Variants in GCNT2 observed in about 807,000 individuals in gnomAD.
The protein encoded by GCNT2 is glucosaminyl (N-acetyl) transferase 2 (I blood group), also known as N-acetyllactosaminide beta-1,6-N-acetylglucosaminyl-transferase.
A neutral mutation model predicts 34.2 loss-of-function variants in GCNT2; 34 were observed. That is an observed-to-expected ratio of 1.00 (90% CI 0.76 to 1.32). The LOEUF is 1.32. Among genes scored for constraint, GCNT2 ranks in the 40% most tolerant of loss-of-function variants. GCNT2 has a pLI of 0.00. For synonymous variants in GCNT2, 212 were observed against 188.0 expected (o/e 1.13, Z -1.04); for missense variants, 584 against 489.4 (o/e 1.19, Z -1.82).
intron 3 of GCNT2, among the ~76,000 whole-genome samples, chr6:10,562,650 T>G (rs1353169117): frequency 6.6e-5 from 8 of 120,644 alleles, no homozygotes; most frequent in African/African-American, 2.7e-4. Flanking sequence ...GAGTCAGAAC[T>G]TCTCTGAAAA....
intron 3 of GCNT2, among the ~76,000 whole-genome samples, chr6:10,599,542 A>T (rs1269733299): frequency 6.6e-6 from 1 of 152,162 alleles, no homozygotes; most frequent in Non-Finnish European, 1.5e-5. Context: ...GTGCCGTATG[A>T]ATTAGACATG....
intron 3 of GCNT2, among the ~76,000 whole-genome samples, chr6:10,588,579 C>T (rs1764454360): frequency 6.6e-6 from 1 of 152,094 alleles, no homozygotes; most frequent in Admixed American, 6.6e-5. Context: ...TTCTTTTTTC[C>T]TGTATATCTA....
At chr6:10,582,219 TA>T (rs1185449329) in intron 3 of GCNT2, among the ~76,000 whole-genome samples, 15 of 125,512 alleles carry the variant, frequency 1.2e-4, no homozygotes, top group East Asian at 4.2e-4. Flanking sequence ...ATTATATATA[TA>T]ATTATATATA....
At chr6:10,568,445 ACT>A (rs1285443615) in intron 3 of GCNT2, among the ~76,000 whole-genome samples, 12 of 150,200 alleles carry the variant, frequency 8.0e-5, no homozygotes, top group African/African-American at 2.2e-4. Context: ...ACTGTTCTTA[ACT>A]CTGGCCCATC....
intron 3 of GCNT2, chr6:10,556,341 TAAG>T (rs1416178704): frequency 1.8e-5 from 29 of 1,601,176 alleles, no homozygotes; most frequent in Non-Finnish European, 2.3e-5. Flanking sequence ...TGTTGCAAAA[TAAG>T]AACTCAGAGA....
intron 3 of GCNT2, chr6:10,574,961 T>G: frequency 1.4e-6 from 1 of 723,420 alleles, no homozygotes; most frequent in East Asian, 2.6e-5. Context: ...ATACACACAT[T>G]AATTCTCTTG....
intron 3 of GCNT2, among the ~76,000 whole-genome samples, chr6:10,599,938 A>G (rs1765025499): frequency 6.6e-6 from 1 of 152,206 alleles, no homozygotes; most frequent in South Asian, 2.1e-4. Context: ...TTCAGGAATA[A>G]CAGAATGATT....
chr6:10,550,708 C>G (rs1327961511), intron 3 of GCNT2, among the ~76,000 whole-genome samples: 1 of 152,140 alleles, frequency 6.6e-6, no homozygotes, highest in Non-Finnish European at 1.5e-5. Context: ...GTCCCAAACT[C>G]CTGGGCTCAA....
intron 3 of GCNT2, among the ~76,000 whole-genome samples, chr6:10,569,275 C>CACACACACACACACACACACACACA (rs1491437125): frequency 0.029 from 2,935 of 100,916 alleles, 368 homozygotes; most frequent in Middle Eastern, 0.056. Context: ...ACACACACAC[C>CACACACACACACACACACACACACA]CCCTAGGTAA....
intron 3 of GCNT2, among the ~76,000 whole-genome samples, chr6:10,573,707 C>T (rs1269397600): frequency 6.6e-6 from 1 of 152,176 alleles, no homozygotes; most frequent in Non-Finnish European, 1.5e-5. Context: ...ACCACCATGC[C>T]GCATATTGAC....
intron 3 of GCNT2, 121 bp from the exon 4 acceptor site, chr6:10,621,230 G>A: frequency 1.4e-6 from 1 of 722,380 alleles, no homozygotes; most frequent in Admixed American, 2.0e-5. Context: ...ACCAATCTGT[G>A]TGAAATGCGA....
intron 3 of GCNT2, among the ~76,000 whole-genome samples, chr6:10,542,485 A>T (rs957847772): frequency 5.3e-5 from 8 of 152,304 alleles, no homozygotes; most frequent in Non-Finnish European, 1.0e-4. Context: ...ATGTAGAATC[A>T]TTTTATTACT....
In GCNT2 at chr6:10,555,877, TG is replaced by T. The variant is rs555283256; in HGVS notation, c.925+26043del. ...CTATTTTCTATCCCGTGGGTTGCGC[TG>T]GAAGAGCTGAGAGGCCAGGCTGTGG... On this transcript the variant is annotated intron_variant, in intron 3 of 4. Transcript: ENST00000495262. 507 of 994,446 alleles carry T rather than the reference TG, an allele frequency of 5.1e-4. 2 individuals are homozygous for T. The highest frequency in any genetic ancestry group is 5.7e-4 in the Non-Finnish European group (475 of 835,352). The allele number at this position is 994,446 out of a possible 1,614,324, so 61.6% of individuals were successfully genotyped here.
chr6:10,523,611 C>T (rs1014371209), intron 1 of GCNT2, among the ~76,000 whole-genome samples: 1 of 152,046 alleles, frequency 6.6e-6, no homozygotes. Flanking sequence ...GAGCTGAGCA[C>T]GTTAGGTGCC....
At chr6:10,573,164 T>TA (rs1157165338) in intron 3 of GCNT2, 29 of 854,136 alleles carry the variant, frequency 3.4e-5, no homozygotes, top group Non-Finnish European at 4.0e-5. Flanking sequence ...ATGTTCTAGA[T>TA]ATGGATCTCT....
chr6:10,547,963 G>C (rs1208084589), intron 3 of GCNT2, among the ~76,000 whole-genome samples: 1 of 152,192 alleles, frequency 6.6e-6, no homozygotes, highest in Non-Finnish European at 1.5e-5. Context: ...TGGCTTGTGT[G>C]TTCTTTCAAC....
rs6936681 is a variant in GCNT2 at position 10,626,832 on chromosome 6, G to A, written c.*225G>A. The A allele has an allele frequency of 2.9e-3, 1,586 of 554,962 alleles. 16 individuals carry two copies. The highest frequency in any genetic ancestry group is 0.026 in the African/African-American group (1,389 of 53,164). 34.4% of individuals were successfully genotyped at this position (554,962 alleles called of 1,614,324 possible). A position where few individuals can be genotyped will look rare whatever the true frequency, so the allele number is the denominator to read the frequency against. Reference sequence around the variant, plus strand: ...GGGCACTTTGGCCAATTTTAGTCTTGCTGTTTCTTGATGCTCACCTCTATA... The same window carrying A: ...GGGCACTTTGGCCAATTTTAGTCTTACTGTTTCTTGATGCTCACCTCTATA... On this transcript the variant is annotated 3_prime_UTR_variant, in exon 5 of 5. Coordinates refer to ENST00000495262, the MANE Select transcript of GCNT2 (RefSeq NM_145649.5).
At position 10,523,375 on chromosome 6, in the gene GCNT2, G is replaced by A. The variant is rs116113757; in HGVS notation, c.-469+1958G>A. Among the ~76,000 whole-genome samples, 545 of 151,250 alleles carry A rather than the reference G, an allele frequency of 3.6e-3. 9 individuals carry two copies. Among genetic ancestry groups the A allele is most frequent in the African/African-American group, 0.012 (492 of 41,162 alleles). On this transcript the variant is annotated intron_variant, in intron 1 of 4. Coordinates refer to ENST00000495262, the MANE Select transcript of GCNT2 (RefSeq NM_145649.5). ...CGGGAGGCAGAGGCTTCAGTGAGCC[G>A]GGATGGCGTCATTACACTGCAGACG...
rs1184681622 is a variant in GCNT2, at chr6:10,626,520, C to G, written c.1122C>G (p.Pro374=). The change falls in exon 5 of 5, where the codon CCC becomes CCG. Residue 374 remains proline (P), a synonymous_variant. Coordinates refer to ENST00000495262, the MANE Select transcript of GCNT2 (RefSeq NM_145649.5). ...FANKFELNTY[P]LTVECLELRH... ...ACAAGTTTGAGCTTAATACCTACCC[C>G]CTTACTGTGGAATGCCTAGAACTGA... 1 of 1,613,532 alleles carries G rather than the reference C, an allele frequency of 6.2e-7. No individual in the cohort carries two copies. The highest frequency in any genetic ancestry group is 2.2e-5 in the East Asian group (1 of 44,884).
Sources: allele counts gnomAD v4.1 joint callset (sites outside exome capture counted in the v4.1 genomes callset), GRCh38; gene constraint gnomAD v4.1.1; transcripts MANE v1.5; gene names NCBI Gene and HGNC (gene_info 2026-07-23, HGNC 2026-07-21).